Variants in COL22A1 observed in about 807,000 individuals in gnomAD.
The protein encoded by COL22A1 is collagen alpha-1(XXII) chain.
Under a neutral mutation model 248.9 loss-of-function variants are expected in COL22A1, and 221 were observed. That is an observed-to-expected ratio of 0.89 (90% CI 0.80 to 0.99). The LOEUF (loss-of-function observed/expected upper bound fraction) is 0.99. Ranked by LOEUF, COL22A1 falls within the 50% of genes least tolerant of loss-of-function variation. The pLI is 0.00. For missense variants in COL22A1, 2,240 were observed against 2,179.0 expected (o/e 1.03, Z -0.56); for synonymous variants, 891 against 793.4 (o/e 1.12, Z -2.07).
At chr8:138,754,321 A>G (rs1832828888) in intron 21 of COL22A1, among the ~76,000 whole-genome samples, 3 of 152,212 alleles carry the variant, frequency 2.0e-5, no homozygotes, top group Non-Finnish European at 4.4e-5. Flanking sequence ...GACATAAGTT[A>G]GATTTTCTGA....
At chr8:138,903,341 A>G (rs1814759087) in intron 1 of COL22A1, among the ~76,000 whole-genome samples, 1 of 152,176 alleles carries the variant, frequency 6.6e-6, no homozygotes, top group African/African-American at 2.4e-5. Flanking sequence ...GGAAACAGAA[A>G]TAACCATGGA....
intron 16 of COL22A1, among the ~76,000 whole-genome samples, chr8:138,763,974 G>A (rs528646749): frequency 2.6e-5 from 4 of 152,270 alleles, no homozygotes; most frequent in East Asian, 3.9e-4. Flanking sequence ...TGTGGGCCCC[G>A]CTGACATTTA....
intron 23 of COL22A1, among the ~76,000 whole-genome samples, chr8:138,730,386 C>T (rs916475611): frequency 1.3e-5 from 2 of 152,112 alleles, no homozygotes; most frequent in African/African-American, 4.8e-5. Flanking sequence ...AGGGCTCCTT[C>T]CCCCAGCCAA....
chr8:138,627,390 T>C (rs966765590), intron 50 of COL22A1, among the ~76,000 whole-genome samples: 1 of 152,204 alleles, frequency 6.6e-6, no homozygotes, highest in Non-Finnish European at 1.5e-5. Context: ...ATGTTGTCTA[T>C]GGCTGATTTT....
In COL22A1 at chr8:138,669,571, C is replaced by T. The variant is rs370978351; in HGVS notation, c.3151-5831G>A. 1.9e-4 allele frequency among the ~76,000 whole-genome samples: 29 copies of T among 152,302 alleles called. No homozygotes were observed. In the East Asian group the frequency reaches 3.9e-3, roughly 20 times the overall value. On this transcript the variant is annotated intron_variant, in intron 41 of 64. Coordinates refer to ENST00000303045, the MANE Select transcript of COL22A1 (RefSeq NM_152888.3). ...AGTGCAGACTTCAGGGCAAGATCAA[C>T]GCAGGTTCAAATGCCTGCTTTGTCT...
At chr8:138,700,016 G>T in intron 32 of COL22A1, 96 bp downstream of exon 32, 1 of 1,168,518 alleles carries the variant, frequency 8.6e-7, no homozygotes, top group Non-Finnish European at 1.3e-6. Context: ...ATGGGGCTGA[G>T]TCCTCACCCC....
rs369312918 is a variant in COL22A1, at chr8:138,884,340, A to T, written c.-72-1096T>A. ...TGAGGCCAGGCCAACTTCACTGGGC[A>T]TGGAAGATTAGGGCATTTACACACA... On this transcript the variant is annotated intron_variant, in intron 1 of 64. Transcript: ENST00000303045. Among the ~76,000 whole-genome samples, 26 of 152,256 alleles carry T rather than the reference A, an allele frequency of 1.7e-4. No individual in the cohort carries two copies. In the East Asian group the frequency reaches 1.9e-3, roughly 11 times the overall value.
At chr8:138,691,070 C>A (rs1166431292) in intron 35 of COL22A1, among the ~76,000 whole-genome samples, 196 bp from the exon 36 acceptor site, 4 of 152,156 alleles carry the variant, frequency 2.6e-5, no homozygotes, top group Non-Finnish European at 5.9e-5. Context: ...GGTGAGTGGG[C>A]TTCTGGCACA....
At chr8:138,847,539 C>T (rs1341128989) in intron 3 of COL22A1, among the ~76,000 whole-genome samples, 5 of 152,184 alleles carry the variant, frequency 3.3e-5, no homozygotes, top group Non-Finnish European at 5.9e-5. Flanking sequence ...CCTTTCCAGT[C>T]TCACTTGCAG....
chr8:138,785,539 C>A (rs1815442510), intron 12 of COL22A1, among the ~76,000 whole-genome samples: 1 of 152,208 alleles, frequency 6.6e-6, no homozygotes, highest in Non-Finnish European at 1.5e-5. Context: ...ATGTTGGTCA[C>A]CCACTTACGA....
rs552287127 is a variant in COL22A1, at chr8:138,747,497, T to C, written c.2085+3961A>G. 3.5e-4 allele frequency among the ~76,000 whole-genome samples: 54 copies of C among 152,254 alleles called. 1 individual carries two copies. The highest frequency in any genetic ancestry group is 5.9e-4 in the Admixed American group (9 of 15,278). ...CTTGCTGGGTCCAGCCACATGGACCTCTGGGCTCCACCACTCCACACCTGC... is the reference window on the plus strand; with the variant it reads ...CTTGCTGGGTCCAGCCACATGGACCCCTGGGCTCCACCACTCCACACCTGC... On this transcript the variant is annotated intron_variant, in intron 22 of 64. Transcript: ENST00000303045.
Position 138,634,621 on chromosome 8 carries a change from T to C in COL22A1, c.3609+389A>G, listed in dbSNP as rs1820993693. Among the ~76,000 whole-genome samples, 7 of 152,138 alleles carry C rather than the reference T, an allele frequency of 4.6e-5. No homozygotes were observed. In the South Asian group the frequency reaches 1.5e-3, roughly 32 times the overall value. On this transcript the variant is annotated intron_variant, in intron 49 of 64. Transcript: ENST00000303045. ...GGCCCAGTGGAGATCATTGAGATAA[T>C]ATCAAGACAGGCTCCCCATAACATG...
intron 2 of COL22A1, among the ~76,000 whole-genome samples, chr8:138,882,870 G>A (rs1586958549): frequency 6.6e-6 from 1 of 152,200 alleles, no homozygotes; most frequent in East Asian, 1.9e-4. Flanking sequence ...TACACATACT[G>A]TCAGACATAT....
intron 57 of COL22A1, among the ~76,000 whole-genome samples, chr8:138,606,798 C>T (rs1347256146): frequency 1.3e-5 from 2 of 152,148 alleles, no homozygotes; most frequent in African/African-American, 2.4e-5. Flanking sequence ...GCCCATGAGG[C>T]GGCCAAAGCT....
intron 56 of COL22A1, among the ~76,000 whole-genome samples, chr8:138,610,654 G>C (rs977529878): frequency 2.0e-4 from 30 of 152,298 alleles, no homozygotes; most frequent in African/African-American, 7.2e-4. Flanking sequence ...GGGGGCCTTG[G>C]GATTTCAGGG....
chr8:138,732,343 G>T (rs117107145), intron 23 of COL22A1, among the ~76,000 whole-genome samples: 1,571 of 152,316 alleles, frequency 0.01, 19 homozygotes, highest in Non-Finnish European at 0.018. Context: ...TGTGGGCCAG[G>T]GAACAGATAG....
intron 60 of COL22A1, among the ~76,000 whole-genome samples, chr8:138,601,777 C>T (rs1031431490): frequency 2.6e-5 from 4 of 152,108 alleles, no homozygotes; most frequent in African/African-American, 9.7e-5. Context: ...CCCGTCTCGG[C>T]GGGCATTCGC....
At chr8:138,826,804 A>G in intron 5 of COL22A1, 23 bp from the exon 6 acceptor site, 1 of 1,613,330 alleles carries the variant, frequency 6.2e-7, no homozygotes, top group South Asian at 1.1e-5. Flanking sequence ...GGAGACAAAG[A>G]CACCAGGCTT....
intron 9 of COL22A1, among the ~76,000 whole-genome samples, chr8:138,810,331 C>T (rs1818106157): frequency 6.6e-6 from 1 of 152,256 alleles, no homozygotes; most frequent in Non-Finnish European, 1.5e-5. Context: ...CATGCCATCA[C>T]TCATCCTGCT....
Sources: gnomAD v4.1 joint callset for allele counts (sites outside exome capture counted in the v4.1 genomes callset) on GRCh38, gnomAD v4.1.1 for gene constraint, MANE v1.5 for transcripts, NCBI Gene and HGNC (gene_info 2026-07-23, HGNC 2026-07-21) for gene names.